Variants in RMND5B observed in about 807,000 individuals in gnomAD.
RMND5B encodes E3 ubiquitin-protein transferase RMND5B.
In RMND5B, 42 loss-of-function variants were observed where a neutral mutation model predicts 50.4. The observed-to-expected ratio is 0.83, with a 90% confidence interval of 0.65 to 1.08. RMND5B has a LOEUF of 1.08. Ranked by LOEUF, RMND5B falls within the 50% of genes least tolerant of loss-of-function variation. The probability of loss-of-function intolerance (pLI) is 0.00; values close to 1 mark genes in which losing one functional copy is unlikely to be tolerated. For synonymous variants in RMND5B, 220 were observed against 210.0 expected (o/e 1.05, Z -0.41); for missense variants, 463 against 508.5 (o/e 0.91, Z 0.86).
In RMND5B at chr5:178,138,335, G is replaced by C. The variant is rs768429576; in HGVS notation, c.139+77G>C. The C allele has an allele frequency of 5.8e-6, 9 of 1,545,384 alleles. No homozygotes were observed. The Admixed American group carries it at 1.8e-4, about 31-fold the overall frequency. On this transcript the variant is annotated intron_variant, in intron 3 of 10. Transcript: ENST00000313386. The surrounding 1 kb of genome is among the most constrained non-coding windows in gnomAD (Gnocchi z 5.1). ...GAGACCCGAAGCTACTGAGTGACAG[G>C]GTTCCGGAAGGACGATGATGAGGAT... is the stretch of plus-strand genomic sequence containing the variant.
In RMND5B at chr5:178,149,644, G is replaced by A; in HGVS notation, c.*1612G>A. On this transcript the variant is annotated 3_prime_UTR_variant, in exon 11 of 11. Transcript: ENST00000313386. ...TGCCGTCAGTGTGGGTGGGCAGGAGGACAGCCAGTCGTCCTGCTGCCAGCC... is the reference window on the plus strand; with the variant it reads ...TGCCGTCAGTGTGGGTGGGCAGGAGAACAGCCAGTCGTCCTGCTGCCAGCC... 2 of 1,604,898 alleles carry A rather than the reference G, an allele frequency of 1.2e-6. No homozygotes were observed. Among genetic ancestry groups the A allele is most frequent in the Admixed American group, 1.7e-5 (1 of 59,634 alleles).
At chr5:178,132,789 CAAAAAAAAAA>C (rs58710080) in intron 2 of RMND5B, among the ~76,000 whole-genome samples, 2 of 38,902 alleles carry the variant, frequency 5.1e-5, no homozygotes, top group Non-Finnish European at 8.9e-5. Context: ...CCCTGCCTCA[CAAAAAAAAAA>C]AAAAAAAAAA....
chr5:178,134,021 C>T (rs1349569066), intron 2 of RMND5B, among the ~76,000 whole-genome samples: 1 of 152,190 alleles, frequency 6.6e-6, no homozygotes, highest in Non-Finnish European at 1.5e-5. Flanking sequence ...CCCCAATCAA[C>T]AAATGTTTAC....
chr5:178,131,279 TC>T lies in RMND5B; in HGVS notation c.-107del, dbSNP rs1262918898. The T allele has an allele frequency of 2.0e-5, 3 of 151,928 alleles. No individual in the cohort carries two copies. Among genetic ancestry groups the T allele is most frequent in the African/African-American group, 7.3e-5 (3 of 41,378 alleles). 9.4% of individuals were successfully genotyped at this position (151,928 alleles called of 1,614,324 possible). On this transcript the variant is annotated 5_prime_UTR_variant, in exon 2 of 11. Coordinates refer to ENST00000313386, the MANE Select transcript of RMND5B (RefSeq NM_022762.5). Reference sequence around the variant, plus strand: ...GGAGCTGGAGTCCCAGACTCATAGGTCCCGGCCCAGCCCCCGAAGAGCCGCC... The same window carrying T: ...GGAGCTGGAGTCCCAGACTCATAGGTCCGGCCCAGCCCCCGAAGAGCCGCC...
chr5:178,135,729 T>C (rs950109075), intron 2 of RMND5B, among the ~76,000 whole-genome samples: 6 of 152,198 alleles, frequency 3.9e-5, no homozygotes, highest in African/African-American at 1.4e-4. Context: ...GTGTAGTAAA[T>C]ACAATTTCAA....
chr5:178,134,803 C>T, intron 2 of RMND5B, among the ~76,000 whole-genome samples: 1 of 133,320 alleles, frequency 7.5e-6, no homozygotes, highest in Non-Finnish European at 1.6e-5. Flanking sequence ...CCCGTCTTTA[C>T]TAAAAATACA....
Position 178,138,348 on chromosome 5 carries a change from C to A in RMND5B, c.139+90C>A. 6.6e-7 allele frequency: 1 copy of A among 1,509,962 alleles called. No individual in the cohort carries two copies. The highest frequency in any genetic ancestry group is 1.3e-5 in the South Asian group (1 of 78,620). 93.5% of individuals were successfully genotyped at this position (1,509,962 alleles called of 1,614,324 possible). Reference sequence around the variant, plus strand: ...ACTGAGTGACAGGGTTCCGGAAGGACGATGATGAGGATGTTGGTACCTGCA... The same window carrying A: ...ACTGAGTGACAGGGTTCCGGAAGGAAGATGATGAGGATGTTGGTACCTGCA... On this transcript the variant is annotated intron_variant, in intron 3 of 10. Transcript: ENST00000313386. The surrounding 1 kb of genome is among the most constrained non-coding windows in gnomAD (Gnocchi z 5.1).
intron 2 of RMND5B, among the ~76,000 whole-genome samples, chr5:178,133,084 C>G (rs965201829): frequency 2.6e-5 from 4 of 151,910 alleles, no homozygotes; most frequent in African/African-American, 9.7e-5. Context: ...AGGCTGGTCT[C>G]AAACTCCTGA....
Position 178,138,519 on chromosome 5 carries a change from T to TTGTGTA in RMND5B, c.139+266_139+267insATGTGT. 3.3e-6 allele frequency: 1 copy of TTGTGTA among 300,398 alleles called. No individual in the cohort carries two copies. The allele number at this position is 300,398 out of a possible 1,614,324, so 18.6% of individuals were successfully genotyped here. Reference sequence around the variant, plus strand: ...TTTTTAACTTTTTTTCATTTTATAATTGTGTGTGTGTGTGTGTGTGTGTGT... The same window carrying TTGTGTA: ...TTTTTAACTTTTTTTCATTTTATAATTGTGTATGTGTGTGTGTGTGTGTGTGTGTGT... On this transcript the variant is annotated intron_variant, in intron 3 of 10. Coordinates refer to ENST00000313386, the MANE Select transcript of RMND5B (RefSeq NM_022762.5). The surrounding 1 kb of genome is among the most constrained non-coding windows in gnomAD (Gnocchi z 5.1).
At chr5:178,140,716 G>C (rs1474464561) in intron 3 of RMND5B, among the ~76,000 whole-genome samples, 1 of 151,962 alleles carries the variant, frequency 6.6e-6, no homozygotes, top group Non-Finnish European at 1.5e-5. Flanking sequence ...TGTAGTCCCA[G>C]CTACTTGGGA....
At chr5:178,143,544 G>A in intron 5 of RMND5B, 83 bp from the exon 6 acceptor site, 1 of 1,091,194 alleles carries the variant, frequency 9.2e-7, no homozygotes, top group Non-Finnish European at 1.4e-6. Context: ...GTCTTTGGCG[G>A]GTGAGCTTTT....
chr5:178,143,941 G>A lies in RMND5B; in HGVS notation c.528-1G>A. ...CACTAAACTGGCCCCTTTCTTCCCA[G>A]ATGGGCCGTCTCCCACAGGCAGCGC... is the stretch of plus-strand genomic sequence containing the variant. On this transcript the variant is annotated splice_acceptor_variant, in intron 6 of 10. Coordinates refer to ENST00000313386, the MANE Select transcript of RMND5B (RefSeq NM_022762.5). LOFTEE classifies it high-confidence loss of function. The A allele has an allele frequency of 1.9e-6, 3 of 1,614,134 alleles. No individual in the cohort carries two copies. The highest frequency in any genetic ancestry group is 2.5e-6 in the Non-Finnish European group (3 of 1,179,974).
chr5:178,147,162 A>G (rs1756055919), intron 8 of RMND5B: 2 of 215,054 alleles, frequency 9.3e-6, no homozygotes, highest in Admixed American at 1.0e-4. Flanking sequence ...CATTATAAAG[A>G]TGTGTTATGA....
In RMND5B at chr5:178,142,668, G is replaced by A. The variant is rs1397557100; in HGVS notation, c.225G>A (p.Leu75=). The change falls in exon 4 of 11, where the codon CTG becomes CTA. Residue 75 remains leucine (L), a synonymous_variant. Transcript: ENST00000313386. ...CRKIKDTVQK[L]ASDHKDIHSS... ...AGATCAAAGATACGGTGCAGAAACT[G>A]GCTTCGGACCATAAGGACATTCACA... 1.2e-6 allele frequency: 2 copies of A among 1,614,200 alleles called. No homozygotes were observed. The highest frequency in any genetic ancestry group is 1.7e-6 in the Non-Finnish European group (2 of 1,180,040).
Position 178,143,956 on chromosome 5 carries a change from A to G in RMND5B, c.542A>G (p.His181Arg), listed in dbSNP as rs372202630. ...LGPALEWAVS[H>R]RQRLLELNSS... ...TTTCTTCCCAGATGGGCCGTCTCCC[A>G]CAGGCAGCGCCTGCTGGAACTCAAC... The change falls in exon 7 of 11, where the codon CAC (histidine) becomes CGC (arginine). Residue 181 changes from histidine to arginine, a missense_variant. Coordinates refer to ENST00000313386, the MANE Select transcript of RMND5B (RefSeq NM_022762.5). 53 of 1,614,056 alleles carry G rather than the reference A, an allele frequency of 3.3e-5. No homozygotes were observed. Among genetic ancestry groups the G allele is most frequent in the Non-Finnish European group, 4.2e-5 (50 of 1,180,030 alleles).
At chr5:178,133,969 TC>T (rs1420177600) in intron 2 of RMND5B, among the ~76,000 whole-genome samples, 1 of 152,158 alleles carries the variant, frequency 6.6e-6, no homozygotes, top group East Asian at 1.9e-4. Context: ...CGCCTCGGCC[TC>T]CCAAAGTGTT....
At chr5:178,133,229 C>T (rs928896644) in intron 2 of RMND5B, among the ~76,000 whole-genome samples, 1 of 152,140 alleles carries the variant, frequency 6.6e-6, no homozygotes, top group Non-Finnish European at 1.5e-5. Flanking sequence ...TTTCTCCTTA[C>T]ACAGGAGCCC....
intron 3 of RMND5B, chr5:178,142,018 A>G (rs1264659120): frequency 6.4e-6 from 1 of 155,986 alleles, no homozygotes; most frequent in East Asian, 1.9e-4. Context: ...AGCCTGTATC[A>G]GCACTTCATT....
At chr5:178,143,809 C>A in intron 6 of RMND5B, 82 bp downstream of exon 6, 1 of 1,458,104 alleles carries the variant, frequency 6.9e-7, no homozygotes, top group Non-Finnish European at 9.6e-7. Flanking sequence ...TTCATTTCAC[C>A]CAGATGTACT....
Sources: gnomAD v4.1 joint callset for allele counts (sites outside exome capture counted in the v4.1 genomes callset) on GRCh38, gnomAD v4.1.1 for gene constraint, Gnocchi (gnomAD v3.1) non-coding constraint, MANE v1.5 for transcripts, NCBI Gene and HGNC (gene_info 2026-07-23, HGNC 2026-07-21) for gene names.